Variants in RANBP2 observed in about 807,000 individuals in gnomAD.
RANBP2 encodes the protein RAN binding protein 2.
In RANBP2, 57 loss-of-function variants were observed where a neutral mutation model predicts 303.6. That is an observed-to-expected ratio of 0.19 (90% CI 0.15 to 0.23). The LOEUF (loss-of-function observed/expected upper bound fraction) is 0.23. Ranked by LOEUF, RANBP2 falls within the 10% of genes least tolerant of loss-of-function variation. RANBP2 has a pLI of 1.00. For synonymous variants in RANBP2, 1,167 were observed against 1,301.5 expected, an observed-to-expected ratio of 0.90 and a Z score of 2.23; for missense variants, 3,138 against 3,780.8, an observed-to-expected ratio of 0.83 and a Z score of 4.46.
At chr2:109,270,155 G>A in the RANBP2 span, among the ~76,000 whole-genome samples, 1 of 152,210 alleles carries the variant, frequency 6.6e-6, no homozygotes, top group Non-Finnish European at 1.5e-5. Context: ...ACCTGGGGGT[G>A]TTGGAGGAGT....
At chr2:109,627,095 C>G in the RANBP2 span, among the ~76,000 whole-genome samples, 2 of 152,160 alleles carry the variant, frequency 1.3e-5, no homozygotes, top group African/African-American at 2.4e-5. Flanking sequence ...GAGTTCCAAG[C>G]TATAGTGTGC....
chr2:109,345,303 A>G, the RANBP2 span, among the ~76,000 whole-genome samples: 1 of 152,038 alleles, frequency 6.6e-6, no homozygotes, highest in Non-Finnish European at 1.5e-5. Context: ...GCCAGAAAGG[A>G]AACACAGTGT....
the RANBP2 span, among the ~76,000 whole-genome samples, chr2:109,053,092 G>A: frequency 3.7e-4 from 57 of 152,296 alleles, no homozygotes; most frequent in African/African-American, 1.2e-3. Context: ...GGGTGAGGGC[G>A]CTGTGGTCCA....
At chr2:108,852,301 G>T in the RANBP2 span, among the ~76,000 whole-genome samples, 1 of 152,202 alleles carries the variant, frequency 6.6e-6, no homozygotes, top group Non-Finnish European at 1.5e-5. Context: ...TACACTGTTT[G>T]TGGGAGTGTA....
chr2:109,336,292 C>T, the RANBP2 span, among the ~76,000 whole-genome samples: 1 of 152,168 alleles, frequency 6.6e-6, no homozygotes, highest in Non-Finnish European at 1.5e-5. Flanking sequence ...AAATGACAAC[C>T]AAAGACCCAT....
rs199917317 is a variant in RANBP2, at chr2:108,766,710, G to A, written c.6171G>A (p.Leu2057=). ...AEVSQWKERG[L]GNLKILKNEV... is the part of the protein sequence containing the mutation. ...TAAGTCAGTGGAAAGAAAGGGGCTTGGGGAACTTAAAAATTCTCAAAAACG... is the reference window on the plus strand; with the variant it reads ...TAAGTCAGTGGAAAGAAAGGGGCTTAGGGAACTTAAAAATTCTCAAAAACG... Residue 2057 remains leucine, a synonymous_variant, in exon 20 of 29, where the codon TTG becomes TTA. Coordinates refer to ENST00000283195, the MANE Select transcript of RANBP2 (RefSeq NM_006267.5). 1.9e-4 allele frequency: 307 copies of A among 1,611,908 alleles called. 1 individual carries two copies. The Middle Eastern group carries it at 2.9e-3, about 15-fold the overall frequency.
the RANBP2 span, among the ~76,000 whole-genome samples, chr2:109,210,080 T>C: frequency 6.6e-6 from 1 of 152,254 alleles, no homozygotes; most frequent in African/African-American, 2.4e-5. Context: ...GTCTGGCTTA[T>C]TTCATTTAGC....
chr2:108,866,649 C>G, the RANBP2 span, among the ~76,000 whole-genome samples: 1 of 152,152 alleles, frequency 6.6e-6, no homozygotes, highest in Non-Finnish European at 1.5e-5. Flanking sequence ...CTTTGGGAGG[C>G]TGAGGCAGGT....
intron 9 of RANBP2, among the ~76,000 whole-genome samples, chr2:108,750,771 T>A (rs1392388691): frequency 6.6e-6 from 1 of 152,112 alleles, no homozygotes; most frequent in Non-Finnish European, 1.5e-5. Context: ...GTGTTTTTAG[T>A]AGAGACGGAG....
At chr2:108,898,879 A>C in the RANBP2 span, among the ~76,000 whole-genome samples, 1 of 152,226 alleles carries the variant, frequency 6.6e-6, no homozygotes, top group East Asian at 1.9e-4. Context: ...AGTGGAAATT[A>C]CTCAATCAGA....
At chr2:108,798,287 A>G in the RANBP2 span, 1 of 742,414 alleles carries the variant, frequency 1.3e-6, no homozygotes, top group Non-Finnish European at 2.2e-6. Flanking sequence ...ATACTAGTCT[A>G]GCTACTGTAA....
the RANBP2 span, among the ~76,000 whole-genome samples, chr2:109,095,935 G>A: frequency 6.6e-6 from 1 of 152,144 alleles, no homozygotes; most frequent in African/African-American, 2.4e-5. Context: ...AGGGAAAAAC[G>A]GGAGGTGAGA....
the RANBP2 span, among the ~76,000 whole-genome samples, chr2:109,641,655 C>T: frequency 1.8e-4 from 27 of 152,284 alleles, no homozygotes; most frequent in East Asian, 4.0e-3. Context: ...TGGAAAAGTT[C>T]TCCAGATGCA....
the RANBP2 span, among the ~76,000 whole-genome samples, chr2:109,666,109 C>CA: frequency 8.2e-6 from 1 of 121,360 alleles, no homozygotes; most frequent in Non-Finnish European, 1.7e-5. Context: ...GATTCTGTCA[C>CA]AAAACAAAAC....
At chr2:109,005,053 T>C in the RANBP2 span, among the ~76,000 whole-genome samples, 5 of 152,322 alleles carry the variant, frequency 3.3e-5, no homozygotes, top group African/African-American at 9.6e-5. Flanking sequence ...CTGTTCTTTC[T>C]TTCCCAGGCC....
the RANBP2 span, among the ~76,000 whole-genome samples, chr2:109,317,333 G>T: frequency 6.6e-6 from 1 of 152,118 alleles, no homozygotes; most frequent in East Asian, 1.9e-4. Flanking sequence ...GGGCGTCTGT[G>T]GGCAGGTGGG....
At chr2:108,842,434 A>C in the RANBP2 span, among the ~76,000 whole-genome samples, 3 of 152,124 alleles carry the variant, frequency 2.0e-5, no homozygotes, top group African/African-American at 7.2e-5. Context: ...AGGGAGAGAG[A>C]GCGAGAGAGA....
chr2:109,679,481 T>A, the RANBP2 span, among the ~76,000 whole-genome samples: 4 of 152,372 alleles, frequency 2.6e-5, no homozygotes, highest in East Asian at 7.7e-4. Context: ...TGTACACACA[T>A]ACATTTCTGT....
the RANBP2 span, among the ~76,000 whole-genome samples, chr2:109,694,723 AG>A: frequency 1.1e-4 from 17 of 152,068 alleles, no homozygotes; most frequent in Admixed American, 1.0e-3. Flanking sequence ...GCATTCAAAA[AG>A]TTTTGGATTT....
Sources: gnomAD v4.1 joint callset for allele counts (sites outside exome capture counted in the v4.1 genomes callset) on GRCh38, gnomAD v4.1.1 for gene constraint, MANE v1.5 for transcripts, NCBI Gene and HGNC (gene_info 2026-07-23, HGNC 2026-07-21) for gene names.